The following SLC22A14 variants were observed in gnomAD, a reference collection of about 807,000 sequenced individuals.
SLC22A14 encodes solute carrier family 22 member 14.
In SLC22A14, 50 loss-of-function variants were observed where a neutral mutation model predicts 53.9. That is an observed-to-expected ratio of 0.93 (90% CI 0.74 to 1.17). SLC22A14 has a LOEUF of 1.17. SLC22A14 is among the 50% of genes most tolerant of loss of function. The probability of loss-of-function intolerance (pLI) is 0.00; values close to 1 mark genes in which losing one functional copy is unlikely to be tolerated. For synonymous variants in SLC22A14, 312 were observed against 303.0 expected, an observed-to-expected ratio of 1.03 and a Z score of -0.31; for missense variants, 671 against 734.7, an observed-to-expected ratio of 0.91 and a Z score of 1.00.
Position 38,307,973 on chromosome 3 carries a change from G to C in SLC22A14, c.775+253G>C. The C allele has an allele frequency of 1.9e-6, 1 of 536,390 alleles. No individual in the cohort carries two copies. Among genetic ancestry groups the C allele is most frequent in the South Asian group, 2.1e-5 (1 of 48,392 alleles). The allele number at this position is 536,390 out of a possible 1,614,324, so 33.2% of individuals were successfully genotyped here. On this transcript the variant is annotated intron_variant, in intron 4 of 10. Coordinates refer to ENST00000448498, the MANE Select transcript of SLC22A14 (RefSeq NM_001320033.2). This position sits in a 1 kb window ranked among gnomAD's most constrained non-coding sequence, Gnocchi z 4.4. ...TCTCCGTTCCTGGCTGCCTGGAGAT[G>C]TCAGAGAATCAGTGCCCTGACTGCC...
At chr3:38,298,569 T>C (rs1704092632) in intron 1 of SLC22A14, among the ~76,000 whole-genome samples, 1 of 151,918 alleles carries the variant, frequency 6.6e-6, no homozygotes, top group Non-Finnish European at 1.5e-5. Context: ...TGTGTGTGTG[T>C]GTGTGTGTGT....
chr3:38,288,061 A>G (rs1240391404), intron 1 of SLC22A14, among the ~76,000 whole-genome samples: 2 of 152,192 alleles, frequency 1.3e-5, no homozygotes, highest in African/African-American at 4.8e-5. Flanking sequence ...TCATTTTCCC[A>G]AGCTGAAATT....
At chr3:38,298,081 ATATT>A (rs1241409617) in intron 1 of SLC22A14, among the ~76,000 whole-genome samples, 2 of 152,114 alleles carry the variant, frequency 1.3e-5, no homozygotes, top group Non-Finnish European at 2.9e-5. Context: ...TTATGGACTC[ATATT>A]TATTCTATGG....
chr3:38,286,228 G>A (rs1204778577), intron 1 of SLC22A14, among the ~76,000 whole-genome samples: 2 of 152,084 alleles, frequency 1.3e-5, no homozygotes, highest in Admixed American at 1.3e-4. Context: ...GGCAACAAGA[G>A]CAAAACTGTC....
chr3:38,297,921 A>G (rs1348708045), intron 1 of SLC22A14, among the ~76,000 whole-genome samples: 1 of 152,172 alleles, frequency 6.6e-6, no homozygotes, highest in Non-Finnish European at 1.5e-5. Flanking sequence ...ATATTCATCA[A>G]TGATTCTTGC....
chr3:38,296,140 C>T (rs377463581), intron 1 of SLC22A14, among the ~76,000 whole-genome samples: 2 of 152,160 alleles, frequency 1.3e-5, no homozygotes, highest in South Asian at 4.1e-4. Context: ...GTGGTTGGGA[C>T]CCAGGAGGTA....
At chr3:38,311,869 TTC>T (rs1258825966) in intron 5 of SLC22A14, among the ~76,000 whole-genome samples, 1 of 152,242 alleles carries the variant, frequency 6.6e-6, no homozygotes, top group Non-Finnish European at 1.5e-5. Context: ...CTCCCTCCCA[TTC>T]TCTTTGTCCC....
At position 38,318,234 on chromosome 3, in the gene SLC22A14, A is replaced by G. The variant is rs774651927; in HGVS notation, c.1770A>G (p.Ser590=). The part of the protein sequence containing the change: ...KVKDMKTKET[S]SDDV ...AGGACATGAAGACTAAGGAAACATC[A>G]TCTGATGATGTCTGAGGAAGCGGCC... Residue 590 remains serine, a synonymous_variant, in exon 11 of 11, where the codon TCA becomes TCG. Coordinates refer to ENST00000448498, the MANE Select transcript of SLC22A14 (RefSeq NM_001320033.2). 1.5e-5 allele frequency: 24 copies of G among 1,614,024 alleles called. No individual in the cohort carries two copies. The Admixed American group carries it at 2.8e-4, about 19-fold the overall frequency.
intron 1 of SLC22A14, among the ~76,000 whole-genome samples, chr3:38,291,842 A>G (rs988194656): frequency 3.3e-5 from 5 of 152,152 alleles, no homozygotes; most frequent in Admixed American, 6.5e-5. Context: ...GAGTTTCCTT[A>G]ATTAGTGTAT....
chr3:38,316,521 T>A lies in SLC22A14; in HGVS notation c.1730T>A (p.Ile577Lys), dbSNP rs546920744. The A allele has an allele frequency of 5.6e-6, 9 of 1,613,798 alleles. No homozygotes were observed. The East Asian group carries it at 2.0e-4, about 36-fold the overall frequency. The change falls in exon 10 of 11, where the codon ATA becomes AAA. Residue 577 changes from isoleucine to lysine, a missense_variant. Coordinates refer to ENST00000448498, the MANE Select transcript of SLC22A14 (RefSeq NM_001320033.2). ...GAGAGCCTGAACCACTCCTCACAGA[T>A]AAGGTAGGTGTGGGAGCCTCCTGGG... ...LSESLNHSSQIRNKVKDMKTK... is the reference protein window; with the variant it reads ...LSESLNHSSQKRNKVKDMKTK...
chr3:38,283,968 C>G (rs1364928901), intron 1 of SLC22A14, among the ~76,000 whole-genome samples: 1 of 152,214 alleles, frequency 6.6e-6, no homozygotes, highest in Non-Finnish European at 1.5e-5. Context: ...AAAGAAAATG[C>G]TGCATTTATG....
At chr3:38,317,475 T>C (rs1246607037) in intron 10 of SLC22A14, among the ~76,000 whole-genome samples, 1 of 151,762 alleles carries the variant, frequency 6.6e-6, no homozygotes, top group Non-Finnish European at 1.5e-5. Flanking sequence ...ATTTGGGGAG[T>C]TGGAGAAAAT....
chr3:38,293,822 C>T (rs955151830), intron 1 of SLC22A14, among the ~76,000 whole-genome samples: 5 of 152,188 alleles, frequency 3.3e-5, no homozygotes, highest in African/African-American at 1.2e-4. Flanking sequence ...CTGTTGTCAT[C>T]CTATCATTGA....
At chr3:38,303,238 G>A (rs1459025370) in intron 1 of SLC22A14, among the ~76,000 whole-genome samples, 1 of 151,536 alleles carries the variant, frequency 6.6e-6, no homozygotes, top group Non-Finnish European at 1.5e-5. Context: ...CTTAATTTTT[G>A]TCTTAACTTT....
intron 5 of SLC22A14, 135 bp downstream of exon 5, chr3:38,309,257 AGGAAG>A: frequency 1.3e-6 from 1 of 759,646 alleles, no homozygotes; most frequent in Admixed American, 2.3e-5. Context: ...GGGATGAGAT[AGGAAG>A]GCACCAAGGG....
chr3:38,288,514 T>C (rs1257036452), intron 1 of SLC22A14, among the ~76,000 whole-genome samples: 1 of 152,212 alleles, frequency 6.6e-6, no homozygotes, highest in African/African-American at 2.4e-5. Flanking sequence ...CATACTGTTT[T>C]CCATGGTGGC....
intron 8 of SLC22A14, 78 bp downstream of exon 8, chr3:38,314,019 G>A (rs577582061): frequency 3.3e-6 from 4 of 1,224,712 alleles, no homozygotes; most frequent in Non-Finnish European, 4.7e-6. Context: ...CGCCTGCCAC[G>A]GCCGGCCACC....
At chr3:38,289,180 CAAAAAAAAA>C (rs1173451784) in intron 1 of SLC22A14, among the ~76,000 whole-genome samples, 9 of 52,994 alleles carry the variant, frequency 1.7e-4, no homozygotes, top group African/African-American at 2.3e-4. Flanking sequence ...TCTATCTCTA[CAAAAAAAAA>C]AAAAAAAAAA....
intron 1 of SLC22A14, 134 bp from the exon 2 acceptor site, chr3:38,305,893 A>G (rs1393947807): frequency 2.1e-5 from 17 of 813,158 alleles, no homozygotes; most frequent in Non-Finnish European, 3.4e-5. Context: ...GGAGGGAACT[A>G]CTGAGAACGT....
Sources: gnomAD v4.1 joint callset for allele counts (sites outside exome capture counted in the v4.1 genomes callset) on GRCh38, gnomAD v4.1.1 for gene constraint, Gnocchi (gnomAD v3.1) non-coding constraint, MANE v1.5 for transcripts, NCBI Gene and HGNC (gene_info 2026-07-23, HGNC 2026-07-21) for gene names.